RTF1: variants seen among roughly 807,000 people sequenced by gnomAD.
The protein encoded by RTF1 is RTF1 homolog, Paf1/RNA polymerase II complex component.
In RTF1, 10 loss-of-function variants were observed where a neutral mutation model predicts 95.7. The observed-to-expected ratio is 0.10, with a 90% CI of 0.06 to 0.18. RTF1 has a LOEUF of 0.18. Among genes scored for constraint, RTF1 ranks in the 10% least tolerant of loss-of-function variants. The pLI is 1.00. For synonymous variants in RTF1, 305 were observed against 311.8 expected (o/e 0.98, Z 0.23); for missense variants, 458 against 875.6 (o/e 0.52, Z 6.02).
intron 1 of RTF1, among the ~76,000 whole-genome samples, chr15:41,433,843 CTTTTTTTTTTTT>C (rs11326489): frequency 7.9e-6 from 1 of 126,080 alleles, no homozygotes; most frequent in Admixed American, 8.2e-5. Flanking sequence ...TGCTACCACA[CTTTTTTTTTTTT>C]TTTTTTTTTG....
intron 1 of RTF1, among the ~76,000 whole-genome samples, chr15:41,424,462 A>G (rs769570806): frequency 6.6e-6 from 1 of 152,190 alleles, no homozygotes; most frequent in Non-Finnish European, 1.5e-5. Context: ...GAGTAACATA[A>G]ACTAGTTGCA....
intron 8 of RTF1, 109 bp downstream of exon 8, chr15:41,471,458 G>GA: frequency 1.8e-6 from 2 of 1,134,664 alleles, no homozygotes; most frequent in Non-Finnish European, 2.5e-6. Flanking sequence ...GCATTTGATG[G>GA]AAAGTAGACT....
intron 1 of RTF1, among the ~76,000 whole-genome samples, chr15:41,431,545 C>G (rs1000562747): frequency 2.6e-5 from 4 of 152,020 alleles, no homozygotes; most frequent in African/African-American, 9.7e-5. Context: ...GTGTCTTGCT[C>G]TATTTCCCAG....
rs2050969499 is a variant in RTF1, at chr15:41,480,936, A to G, written c.*249A>G. The stretch of plus-strand genomic sequence containing the variant: ...GCCTGGGCTCTCTTGGGCTTTATCC[A>G]TGTCTTTAGATTTGTGTTTGCCTTT... On this transcript the variant is annotated 3_prime_UTR_variant, in exon 18 of 18. Coordinates refer to ENST00000389629, the MANE Select transcript of RTF1 (RefSeq NM_015138.5). 1 of 498,032 alleles carries G rather than the reference A, an allele frequency of 2.0e-6. No homozygotes were observed. Among genetic ancestry groups the G allele is most frequent in the African/African-American group, 1.9e-5 (1 of 51,926 alleles). The allele number at this position is 498,032 out of a possible 1,614,324, so 30.9% of individuals were successfully genotyped here. A position where few individuals can be genotyped will look rare whatever the true frequency, so the allele number is the denominator to read the frequency against.
At chr15:41,461,670 T>C (rs1040707072) in intron 4 of RTF1, among the ~76,000 whole-genome samples, 7 of 151,502 alleles carry the variant, frequency 4.6e-5, no homozygotes, top group African/African-American at 1.7e-4. Context: ...TTTGTATTTT[T>C]AGTAGAGATG....
intron 1 of RTF1, among the ~76,000 whole-genome samples, chr15:41,425,188 G>A (rs2050622826): frequency 6.6e-6 from 1 of 151,872 alleles, no homozygotes; most frequent in Non-Finnish European, 1.5e-5. Context: ...TGCAAGCTTC[G>A]CCTCCCGGGT....
chr15:41,461,056 T>A (rs1170929618), intron 4 of RTF1, among the ~76,000 whole-genome samples: 1 of 151,132 alleles, frequency 6.6e-6, no homozygotes, highest in Admixed American at 6.6e-5. Flanking sequence ...TTTTTTTTTT[T>A]TTTGAGATGG....
chr15:41,471,988 T>G (rs965515613), intron 8 of RTF1, among the ~76,000 whole-genome samples: 1 of 152,090 alleles, frequency 6.6e-6, no homozygotes, highest in Non-Finnish European at 1.5e-5. Context: ...AACCTCCGCC[T>G]CCCGGGTTCA....
At chr15:41,424,334 G>A (rs1255692689) in intron 1 of RTF1, among the ~76,000 whole-genome samples, 2 of 152,164 alleles carry the variant, frequency 1.3e-5, no homozygotes, top group Non-Finnish European at 2.9e-5. Context: ...AAGCAGATTA[G>A]AAGACTGAAG....
intron 3 of RTF1, among the ~76,000 whole-genome samples, chr15:41,456,067 G>T (rs1372628689): frequency 2.0e-5 from 3 of 151,946 alleles, no homozygotes; most frequent in East Asian, 1.9e-4. Context: ...TTAGCCGGGC[G>T]TGGTGGCATG....
chr15:41,448,625 A>G (rs1327437773), intron 2 of RTF1: 1 of 152,198 alleles, frequency 6.6e-6, no homozygotes, highest in Non-Finnish European at 1.5e-5. Flanking sequence ...AGGCTGAGGC[A>G]GGAGAATCCC....
At chr15:41,447,668 T>C (rs1382549455) in intron 2 of RTF1, among the ~76,000 whole-genome samples, 1 of 152,200 alleles carries the variant, frequency 6.6e-6, no homozygotes, top group Non-Finnish European at 1.5e-5. Flanking sequence ...AGGATGTCAG[T>C]GTGTACAAGA....
intron 3 of RTF1, 107 bp downstream of exon 3, chr15:41,453,155 T>C: frequency 1.2e-6 from 1 of 865,946 alleles, no homozygotes; most frequent in Non-Finnish European, 1.7e-6. Context: ...CAGCATGACC[T>C]CTTCTTTAGA....
intron 16 of RTF1, 58 bp downstream of exon 16, chr15:41,479,256 C>A (rs2050957929): frequency 9.1e-6 from 11 of 1,211,966 alleles, no homozygotes; most frequent in East Asian, 4.7e-5. Flanking sequence ...AGATACCGAA[C>A]AAGTACCTTG....
chr15:41,436,661 G>T (rs1175918492), intron 1 of RTF1, among the ~76,000 whole-genome samples: 1 of 151,464 alleles, frequency 6.6e-6, no homozygotes, highest in Admixed American at 6.6e-5. Flanking sequence ...AGGCATGGTG[G>T]CATTCTCCTG....
At chr15:41,434,144 CTT>C (rs58239721) in intron 1 of RTF1, among the ~76,000 whole-genome samples, 8,278 of 136,082 alleles carry the variant, frequency 0.061, 256 homozygotes, top group East Asian at 0.16. Context: ...CACGCCTGGC[CTT>C]TTTTTTTTTT....
intron 4 of RTF1, 30 bp downstream of exon 4, chr15:41,457,906 C>T (rs2140960909): frequency 6.4e-7 from 1 of 1,564,896 alleles, no homozygotes; most frequent in Non-Finnish European, 8.8e-7. Flanking sequence ...TGTCCCCCCC[C>T]CGCCCCCACC....
intron 4 of RTF1, among the ~76,000 whole-genome samples, chr15:41,460,121 GTT>G (rs869235078): frequency 1.2e-5 from 1 of 83,450 alleles, no homozygotes. Context: ...TTTTGTTTTT[GTT>G]TTTTTTTTTT....
intron 1 of RTF1, among the ~76,000 whole-genome samples, chr15:41,429,192 C>T (rs974756756): frequency 2.6e-5 from 4 of 152,138 alleles, no homozygotes; most frequent in Admixed American, 6.6e-5. Flanking sequence ...TGAGCCACCA[C>T]GCCCAGCCAA....
Sources: allele counts gnomAD v4.1 joint callset (sites outside exome capture counted in the v4.1 genomes callset), GRCh38; gene constraint gnomAD v4.1.1; transcripts MANE v1.5; gene names NCBI Gene and HGNC (gene_info 2026-07-23, HGNC 2026-07-21).